TSPAN18: variants seen among roughly 807,000 people sequenced by gnomAD.
The protein encoded by TSPAN18 is tetraspanin-18.
A neutral mutation model predicts 27.3 loss-of-function variants in TSPAN18; 14 were observed. The observed-to-expected ratio is 0.51, with a 90% CI of 0.34 to 0.80. TSPAN18 has a LOEUF of 0.80. Among genes scored for constraint, TSPAN18 ranks in the 30% least tolerant of loss-of-function variants. The probability of loss-of-function intolerance (pLI) is 0.01; values close to 1 mark genes in which losing one functional copy is unlikely to be tolerated. For synonymous variants in TSPAN18, 143 were observed against 136.5 expected (o/e 1.05, Z -0.33); for missense variants, 268 against 323.9 (o/e 0.83, Z 1.32).
chr11:44,780,039 A>C (rs576849819), intron 2 of TSPAN18, among the ~76,000 whole-genome samples: 9 of 152,210 alleles, frequency 5.9e-5, no homozygotes, highest in Non-Finnish European at 8.8e-5. Flanking sequence ...ACACCTGTAC[A>C]CATTTACACA....
chr11:44,820,626 G>A (rs1856908115), intron 2 of TSPAN18, among the ~76,000 whole-genome samples: 2 of 152,152 alleles, frequency 1.3e-5, no homozygotes, highest in South Asian at 4.2e-4. Context: ...AGGTTGTCAT[G>A]AAAGATACAT....
chr11:44,917,869 T>C (rs920434161), intron 5 of TSPAN18, 103 bp from the exon 6 acceptor site: 20 of 1,031,288 alleles, frequency 1.9e-5, no homozygotes, highest in Non-Finnish European at 3.0e-5. Context: ...ACAAAATGAG[T>C]ATACTGCGTC....
intron 2 of TSPAN18, among the ~76,000 whole-genome samples, chr11:44,833,712 C>T (rs186271464): frequency 3.9e-5 from 6 of 152,030 alleles, no homozygotes; most frequent in East Asian, 1.9e-4. Context: ...GTCACCCCAC[C>T]GAGCAGAGAA....
At chr11:44,831,890 T>C (rs1340674487) in intron 2 of TSPAN18, among the ~76,000 whole-genome samples, 1 of 152,052 alleles carries the variant, frequency 6.6e-6, no homozygotes, top group Non-Finnish European at 1.5e-5. Context: ...AGCAGAGACC[T>C]GAATGAAATG....
At chr11:44,775,548 T>C (rs1410791705) in intron 2 of TSPAN18, among the ~76,000 whole-genome samples, 1 of 152,054 alleles carries the variant, frequency 6.6e-6, no homozygotes, top group Non-Finnish European at 1.5e-5. Context: ...CCAGCCTCCT[T>C]CTGGGAGCCT....
At chr11:44,778,170 G>A (rs1332382691) in intron 2 of TSPAN18, among the ~76,000 whole-genome samples, 2 of 152,136 alleles carry the variant, frequency 1.3e-5, no homozygotes, top group Non-Finnish European at 1.5e-5. Flanking sequence ...CTGAGGTGGG[G>A]AAGGAAGGTG....
chr11:44,856,129 C>T (rs916807015), intron 2 of TSPAN18, among the ~76,000 whole-genome samples: 2 of 151,978 alleles, frequency 1.3e-5, no homozygotes, highest in African/African-American at 4.8e-5. Context: ...ATGATCTACC[C>T]GCCTCAGCCT....
chr11:44,908,828 A>AG lies in TSPAN18; in HGVS notation c.64-877_64-876insG, dbSNP rs879312379. On this transcript the variant is annotated intron_variant, in intron 4 of 9. Coordinates refer to ENST00000520358, the MANE Select transcript of TSPAN18 (RefSeq NM_130783.5). Reference sequence around the variant, plus strand: ...GAAAGAAAGAAAGAAAGAAAGAAAGAAAAAGAAAAATGGAGCAGATATTTA... The same window carrying AG: ...GAAAGAAAGAAAGAAAGAAAGAAAGAGAAAAGAAAAATGGAGCAGATATTTA... 9.7e-4 allele frequency among the ~76,000 whole-genome samples: 139 copies of AG among 143,338 alleles called. 4 individuals are homozygous for AG. The highest frequency in any genetic ancestry group is 1.7e-3 in the Non-Finnish European group (112 of 65,896). The allele number at this position is 143,338 out of a possible 152,430, so 94.0% of individuals were successfully genotyped here.
At chr11:44,728,099 C>T (rs7936009) in intron 1 of TSPAN18, among the ~76,000 whole-genome samples, 97,228 of 152,202 alleles carry the variant, frequency 0.64, 35,236 homozygotes, top group Non-Finnish European at 0.83. Flanking sequence ...GACGCAGGGA[C>T]CACAGACACC....
intron 3 of TSPAN18, among the ~76,000 whole-genome samples, chr11:44,870,918 T>G (rs888520068): frequency 1.2e-4 from 19 of 152,282 alleles, no homozygotes; most frequent in African/African-American, 4.6e-4. Flanking sequence ...CTGACTAGAC[T>G]CACACAGATC....
At chr11:44,850,290 A>AGAACCCCTCCTGCCACCAT in intron 2 of TSPAN18, among the ~76,000 whole-genome samples, 1 of 152,196 alleles carries the variant, frequency 6.6e-6, no homozygotes, top group East Asian at 1.9e-4. Context: ...AGGTGGGGTT[A>AGAACCCCTCCTGCCACCAT]GAACCCCTCC....
intron 2 of TSPAN18, among the ~76,000 whole-genome samples, chr11:44,810,181 G>T (rs897141257): frequency 7.2e-5 from 11 of 152,188 alleles, no homozygotes; most frequent in African/African-American, 2.4e-4. Context: ...ATTTTAAAGT[G>T]TGCAATTCAG....
intron 9 of TSPAN18, among the ~76,000 whole-genome samples, chr11:44,928,778 T>G (rs1860460967): frequency 6.8e-6 from 1 of 148,004 alleles, no homozygotes; most frequent in African/African-American, 2.5e-5. Flanking sequence ...AGAGTGAGAC[T>G]CTGTCTCAAA....
intron 2 of TSPAN18, among the ~76,000 whole-genome samples, chr11:44,787,709 A>G (rs1856091887): frequency 6.6e-6 from 1 of 152,248 alleles, no homozygotes; most frequent in African/African-American, 2.4e-5. Flanking sequence ...AGATATCGGC[A>G]GATGTGAAGA....
intron 3 of TSPAN18, among the ~76,000 whole-genome samples, chr11:44,905,269 C>T (rs7118905): frequency 0.088 from 13,368 of 152,172 alleles, 644 homozygotes; most frequent in Middle Eastern, 0.18. Context: ...AGTAATCAGA[C>T]ACCATCTCCC....
At chr11:44,846,567 G>A (rs997673055) in intron 2 of TSPAN18, among the ~76,000 whole-genome samples, 1 of 151,540 alleles carries the variant, frequency 6.6e-6, no homozygotes, top group Non-Finnish European at 1.5e-5. Flanking sequence ...AGTCTGCTCT[G>A]GGCTGGGCTC....
chr11:44,828,137 A>T (rs1857082021), intron 2 of TSPAN18, among the ~76,000 whole-genome samples: 2 of 152,088 alleles, frequency 1.3e-5, no homozygotes, highest in South Asian at 4.2e-4. Context: ...GGCTGTGCAG[A>T]GTGCCACAAG....
intron 3 of TSPAN18, among the ~76,000 whole-genome samples, chr11:44,888,120 T>TG (rs1858720774): frequency 1.3e-5 from 2 of 152,072 alleles, no homozygotes; most frequent in African/African-American, 4.8e-5. Context: ...GTTTTCAGGG[T>TG]CTTGACTCTA....
chr11:44,827,832 G>A (rs1266507649), intron 2 of TSPAN18, among the ~76,000 whole-genome samples: 6 of 152,230 alleles, frequency 3.9e-5, no homozygotes, highest in African/African-American at 7.2e-5. Context: ...GCAGAGAAAG[G>A]AGAGGGACAT....
Sources: gnomAD v4.1 joint callset for allele counts (sites outside exome capture counted in the v4.1 genomes callset) on GRCh38, gnomAD v4.1.1 for gene constraint, MANE v1.5 for transcripts, NCBI Gene and HGNC (gene_info 2026-07-23, HGNC 2026-07-21) for gene names.